Variants in SLC40A1 observed in about 807,000 individuals in gnomAD.
SLC40A1 encodes solute carrier family 40 member 1, also known as ferroportin.
Under a neutral mutation model 53.5 loss-of-function variants are expected in SLC40A1, and 16 were observed. The observed-to-expected ratio is 0.30, with a 90% CI of 0.20 to 0.45. SLC40A1 has a LOEUF of 0.45. Ranked by LOEUF, SLC40A1 falls within the 20% of genes least tolerant of loss-of-function variation. The probability of loss-of-function intolerance (pLI) is 1.00; values close to 1 mark genes in which losing one functional copy is unlikely to be tolerated. For missense variants in SLC40A1, 545 were observed against 695.4 expected (o/e 0.78, Z 2.43); for synonymous variants, 247 against 253.2 (o/e 0.98, Z 0.23).
At chr2:189,562,356 A>G (rs1283777249) in intron 7 of SLC40A1, among the ~76,000 whole-genome samples, 165 bp from the exon 8 acceptor site, 2 of 152,206 alleles carry the variant, frequency 1.3e-5, no homozygotes, top group African/African-American at 4.8e-5. Context: ...TTTTTCATAA[A>G]TAAATATTGG....
intron 2 of SLC40A1, chr2:189,578,325 T>A: frequency 1.0e-6 from 1 of 1,002,478 alleles, no homozygotes; most frequent in Non-Finnish European, 1.2e-6. Flanking sequence ...AATCCAACTT[T>A]CTCATGAGAA....
intron 2 of SLC40A1, among the ~76,000 whole-genome samples, chr2:189,578,776 G>A (rs947600637): frequency 1.3e-5 from 2 of 152,144 alleles, no homozygotes; most frequent in Admixed American, 6.5e-5. Context: ...TGGTAAGATA[G>A]GAGCTTGCTT....
chr2:189,575,140 T>G, intron 3 of SLC40A1, 21 bp downstream of exon 3: 2 of 1,613,672 alleles, frequency 1.2e-6, no homozygotes, highest in Non-Finnish European at 1.7e-6. Context: ...TAAAAGGGCT[T>G]AATTATATAA....
Position 189,561,766 on chromosome 2 carries a change from G to C in SLC40A1, c.*112C>G. The C allele has an allele frequency of 1.1e-6, 1 of 910,104 alleles. No homozygotes were observed. The highest frequency in any genetic ancestry group is 2.0e-5 in the Admixed American group (1 of 50,550). The allele number at this position is 910,104 out of a possible 1,614,324, so 56.4% of individuals were successfully genotyped here. On this transcript the variant is annotated 3_prime_UTR_variant, in exon 8 of 8. Coordinates refer to ENST00000261024, the MANE Select transcript of SLC40A1 (RefSeq NM_014585.6). ...AACAGCTTTTAGTTCTCAAGGCACA[G>C]CTGTGGTAAAAACAGAGCAAAACAC...
At chr2:189,566,637 A>T (rs907139703) in intron 5 of SLC40A1, among the ~76,000 whole-genome samples, 4 of 152,232 alleles carry the variant, frequency 2.6e-5, no homozygotes, top group Admixed American at 1.3e-4. Context: ...AACACAATTC[A>T]TCAATAGTAA....
chr2:189,563,895 C>T lies in SLC40A1; in HGVS notation c.1091G>A (p.Arg364His). The T allele has an allele frequency of 6.2e-6, 10 of 1,614,202 alleles. No individual in the cohort carries two copies. Among genetic ancestry groups the T allele is most frequent in the South Asian group, 1.1e-5 (1 of 91,088 alleles). The part of the protein sequence containing the change: ...IMGTVAFTWL[R>H]RKCGLVRTGL... ...TGTCCGAACCAAACCACATTTTCGA[C>T]GTAGCCAAGTAAAAGCTACAGTTCC... The change falls in exon 7 of 8, where the codon CGT becomes CAT. Residue 364 changes from arginine (R) to histidine (H), a missense_variant. Transcript: ENST00000261024.
At position 189,580,774 on chromosome 2, in the gene SLC40A1, C is replaced by CGCT; in HGVS notation, c.-315_-314insAGC. On this transcript the variant is annotated 5_prime_UTR_variant, in exon 1 of 8. Transcript: ENST00000261024. ...GACGCCCTGAGCCAGCTCTCTCCGC[C>CGCT]GCCGCCGCCGCCGCCGTGGGCCGGG... is the stretch of plus-strand genomic sequence containing the variant. 1 of 1,265,282 alleles carries CGCT rather than the reference C, an allele frequency of 7.9e-7. No homozygotes were observed. The highest frequency in any genetic ancestry group is 1.5e-5 in the South Asian group (1 of 64,932). The allele number at this position is 1,265,282 out of a possible 1,614,324, so 78.4% of individuals were successfully genotyped here. A position where few individuals can be genotyped will look rare whatever the true frequency, so the allele number is the denominator to read the frequency against.
At chr2:189,567,623 C>A (rs1440332155) in intron 5 of SLC40A1, among the ~76,000 whole-genome samples, 2 of 152,222 alleles carry the variant, frequency 1.3e-5, no homozygotes, top group South Asian at 4.1e-4. Flanking sequence ...TCATTTGGGT[C>A]ACCTTAACAG....
Position 189,572,945 on chromosome 2 carries a change from C to A in SLC40A1, c.288G>T (p.Leu96=). 1 of 1,613,582 alleles carries A rather than the reference C, an allele frequency of 6.2e-7. No individual in the cohort carries two copies. Among genetic ancestry groups the A allele is most frequent in the East Asian group, 2.2e-5 (1 of 44,878 alleles). ...NARLKVAQTS[L]VVQNVSVILC... The stretch of plus-strand genomic sequence containing the variant: ...GGATGACTGAAACATTCTGTACCAC[C>A]AGCGAGGTCTGGGCCACTGTGCAGA... Residue 96 remains leucine (L), a synonymous_variant, in exon 4 of 8, where the codon CTG becomes CTT. Coordinates refer to ENST00000261024, the MANE Select transcript of SLC40A1 (RefSeq NM_014585.6).
At position 189,561,843 on chromosome 2, in the gene SLC40A1, TA is replaced by T. The variant is rs765360418; in HGVS notation, c.*34del. The T allele has an allele frequency of 3.2e-6, 5 of 1,558,428 alleles. No individual in the cohort carries two copies. Among genetic ancestry groups the T allele is most frequent in the Non-Finnish European group, 4.4e-6 (5 of 1,129,792 alleles). ...ACAAAATAAGCACATGTGCTCTATA[TA>T]ATCTAGTAACAGGATAGCAACAGTT... On this transcript the variant is annotated 3_prime_UTR_variant, in exon 8 of 8. Transcript: ENST00000261024.
Position 189,562,122 on chromosome 2 carries a change from A to C in SLC40A1, c.1472T>G (p.Ile491Ser). ...QENVIESERG[I>S]INGVQNSMNY... is the part of the protein sequence containing the mutation. ...CATGGAGTTCTGTACACCATTTATA[A>C]TGCCTCTTTCAGATTCAATTACATT... The change falls in exon 8 of 8, where the codon ATT becomes AGT. Residue 491 changes from isoleucine (I) to serine (S), a missense_variant. By Grantham distance (142) the Ile-to-Ser change is moderately radical. Around this residue, in one of 4 missense-constraint regions of SLC40A1, gnomAD observed 234 missense variants for 299.0 expected, o/e 0.78. Transcript: ENST00000261024. The C allele has an allele frequency of 6.2e-7, 1 of 1,613,970 alleles. No individual in the cohort carries two copies.
chr2:189,570,731 C>T (rs1333393749), intron 5 of SLC40A1, among the ~76,000 whole-genome samples: 3 of 152,162 alleles, frequency 2.0e-5, no homozygotes, highest in Non-Finnish European at 2.9e-5. Context: ...TTCACTCACC[C>T]CTCCTTTCTA....
rs911551234 is a variant in SLC40A1 at position 189,580,752 on chromosome 2, G to A, written c.-292C>T. ...AGCAGGTCGTCCGAGCCTAGCGGAC[G>A]CCCTGAGCCAGCTCTCTCCGCCGCC... On this transcript the variant is annotated 5_prime_UTR_variant, in exon 1 of 8. Coordinates refer to ENST00000261024, the MANE Select transcript of SLC40A1 (RefSeq NM_014585.6). 3.0e-6 allele frequency: 4 copies of A among 1,329,280 alleles called. No homozygotes were observed. The highest frequency in any genetic ancestry group is 3.2e-5 in the Admixed American group (1 of 31,522). 82.3% of individuals were successfully genotyped at this position (1,329,280 alleles called of 1,614,324 possible). A position where few individuals can be genotyped will look rare whatever the true frequency, so the allele number is the denominator to read the frequency against.
At chr2:189,568,992 CTG>C (rs773857531) in intron 5 of SLC40A1, among the ~76,000 whole-genome samples, 1 of 152,338 alleles carries the variant, frequency 6.6e-6, no homozygotes, top group East Asian at 1.9e-4. Context: ...TCATAAAACA[CTG>C]TACTAAATCA....
chr2:189,580,594 TACA>T lies in SLC40A1; in HGVS notation c.-137_-135del. 1 of 1,573,008 alleles carries T rather than the reference TACA, an allele frequency of 6.4e-7. No homozygotes were observed. The highest frequency in any genetic ancestry group is 8.6e-7 in the Non-Finnish European group (1 of 1,164,878). The stretch of plus-strand genomic sequence containing the variant: ...ACACAACAGCCTTGGGCAAAAAGAC[TACA>T]ACGACGACTTTGGCAAAGAACAAAA... On this transcript the variant is annotated 5_prime_UTR_variant, in exon 1 of 8. Transcript: ENST00000261024.
intron 3 of SLC40A1, 62 bp from the exon 4 acceptor site, chr2:189,573,023 T>G (rs1574244037): frequency 1.8e-6 from 2 of 1,090,872 alleles, no homozygotes; most frequent in East Asian, 4.7e-5. Flanking sequence ...ACTGTTCTTA[T>G]CCACACATAA....
In SLC40A1 at chr2:189,561,032, G is replaced by A. The variant is rs991497059; in HGVS notation, c.*846C>T. On this transcript the variant is annotated 3_prime_UTR_variant, in exon 8 of 8. Transcript: ENST00000261024. ...TCTACATGTAACTTGCCAGGCTGAA[G>A]GCTTACACCCTCATGTTCTACAACA... 2.6e-5 allele frequency: 4 copies of A among 152,180 alleles called. No homozygotes were observed. Among genetic ancestry groups the A allele is most frequent in the African/African-American group, 7.2e-5 (3 of 41,454 alleles). 9.4% of individuals were successfully genotyped at this position (152,180 alleles called of 1,614,324 possible).
chr2:189,564,700 T>C (rs111470123), intron 6 of SLC40A1, among the ~76,000 whole-genome samples: 2 of 151,680 alleles, frequency 1.3e-5, no homozygotes, highest in African/African-American at 4.8e-5. Context: ...ATTAGCCGGG[T>C]GTGGTGGTGG....
At chr2:189,570,531 T>C (rs1391589105) in intron 5 of SLC40A1, among the ~76,000 whole-genome samples, 2 of 152,112 alleles carry the variant, frequency 1.3e-5, no homozygotes, top group African/African-American at 4.8e-5. Flanking sequence ...GAAAAGTAAA[T>C]GAGAATCATG....
Sources: gnomAD v4.1 joint callset for allele counts (sites outside exome capture counted in the v4.1 genomes callset) on GRCh38, gnomAD v4.1.1 for gene constraint, gnomAD v4.1.1 regional missense constraint, MANE v1.5 for transcripts, NCBI Gene and HGNC (gene_info 2026-07-23, HGNC 2026-07-21) for gene names.